URI1: variants seen among roughly 807,000 people sequenced by gnomAD.
The protein encoded by URI1 is unconventional prefoldin RPB5 interactor 1.
URI1 carries 39 observed loss-of-function variants against 60.2 expected under a neutral mutation model. The observed-to-expected ratio is 0.65, with a 90% CI of 0.50 to 0.85. The LOEUF is 0.85. Among genes scored for constraint, URI1 ranks in the 40% least tolerant of loss-of-function variants. The pLI, the probability that URI1 is intolerant of heterozygous loss-of-function variation, is 0.00. For missense variants in URI1, 691 were observed against 665.9 expected (o/e 1.04, Z -0.42); for synonymous variants, 251 against 236.8 (o/e 1.06, Z -0.55).
chr19:29,942,210 T>C (rs1220887491), upstream of URI1: 6 of 984,120 alleles, frequency 6.1e-6, no homozygotes, highest in South Asian at 4.7e-5. Context: ...CCTGCGCGCT[T>C]GCTTCCGGCG....
intron 1 of URI1, among the ~76,000 whole-genome samples, chr19:29,943,233 T>A (rs913205893): frequency 5.3e-5 from 8 of 152,262 alleles, no homozygotes; most frequent in Non-Finnish European, 7.4e-5. Flanking sequence ...GTGTTGGGAT[T>A]ATAGGCCTGA....
intron 1 of URI1, among the ~76,000 whole-genome samples, chr19:29,929,924 T>A (rs914867243): frequency 4.0e-5 from 6 of 151,424 alleles, no homozygotes; most frequent in African/African-American, 1.5e-4. Context: ...ATCTTTTCAC[T>A]CTCTTGACAG....
At chr19:29,988,572 AAC>A (rs2055703095) in intron 4 of URI1, among the ~76,000 whole-genome samples, 2 of 152,240 alleles carry the variant, frequency 1.3e-5, no homozygotes, top group Non-Finnish European at 2.9e-5. Flanking sequence ...CACTTGCTGT[AAC>A]GCCTCATCCA....
intron 1 of URI1, among the ~76,000 whole-genome samples, chr19:29,969,992 GTT>G (rs1188786838): frequency 6.6e-6 from 1 of 151,756 alleles, no homozygotes; most frequent in Non-Finnish European, 1.5e-5. Flanking sequence ...GTATGGTTGG[GTT>G]TCTGATTATA....
At chr19:30,014,119 G>C (rs934133993) in intron 10 of URI1, 1 of 150,354 alleles carries the variant, frequency 6.7e-6, no homozygotes, top group South Asian at 2.1e-4. Context: ...ACCTATTTTT[G>C]TATAAAACGA....
chr19:29,926,530 C>T (rs1048248538), intron 1 of URI1, among the ~76,000 whole-genome samples: 1 of 152,142 alleles, frequency 6.6e-6, no homozygotes, highest in Non-Finnish European at 1.5e-5. Context: ...GATCTTTCTG[C>T]ATCAGTCTTC....
At chr19:29,928,298 CCACCGCCCAGGT>C (rs1448617718) in intron 1 of URI1, among the ~76,000 whole-genome samples, 1 of 152,084 alleles carries the variant, frequency 6.6e-6, no homozygotes, top group Admixed American at 6.5e-5. Flanking sequence ...TAAAAACTTC[CCACCGCCCAGGT>C]CACGCCCAAG....
At chr19:29,991,690 C>T (rs2055748721) in intron 4 of URI1, among the ~76,000 whole-genome samples, 1 of 151,982 alleles carries the variant, frequency 6.6e-6, no homozygotes, top group African/African-American at 2.4e-5. Flanking sequence ...AACTGATCTT[C>T]TGGGGAAAAA....
intron 1 of URI1, among the ~76,000 whole-genome samples, chr19:29,943,771 C>G (rs113204756): frequency 6.6e-6 from 1 of 151,828 alleles, no homozygotes; most frequent in African/African-American, 2.4e-5. Context: ...GTTGGATTTT[C>G]ATTTCTCAGC....
chr19:29,956,390 G>A (rs1033361005), intron 1 of URI1: 2 of 1,403,698 alleles, frequency 1.4e-6, no homozygotes, highest in Admixed American at 3.7e-5. Flanking sequence ...TCTTCTTTCT[G>A]TAGCTGGATA....
chr19:29,935,533 C>G (rs1211935822), intron 1 of URI1, among the ~76,000 whole-genome samples: 2 of 151,928 alleles, frequency 1.3e-5, no homozygotes, highest in African/African-American at 2.4e-5. Context: ...CTTTGAATTA[C>G]TATCAAGTTT....
At chr19:29,944,146 T>TC (rs2055068656) in intron 1 of URI1, among the ~76,000 whole-genome samples, 8 of 28,166 alleles carry the variant, frequency 2.8e-4, no homozygotes, top group African/African-American at 5.1e-4. Flanking sequence ...CATTCATATA[T>TC]ATATATATAT....
At chr19:29,992,753 G>A (rs1378347709) in intron 4 of URI1, among the ~76,000 whole-genome samples, 1 of 152,186 alleles carries the variant, frequency 6.6e-6, no homozygotes, top group Admixed American at 6.5e-5. Context: ...ATGAGACTAA[G>A]TGAAAAGACC....
chr19:29,930,626 A>T (rs1319623182), intron 1 of URI1, among the ~76,000 whole-genome samples: 1 of 151,904 alleles, frequency 6.6e-6, no homozygotes, highest in Non-Finnish European at 1.5e-5. Context: ...AGTACGCGAG[A>T]GGGTTTATTT....
At chr19:29,981,921 T>TTAACCTCAG (rs1370068676) in intron 2 of URI1, among the ~76,000 whole-genome samples, 1 of 152,242 alleles carries the variant, frequency 6.6e-6, no homozygotes, top group East Asian at 1.9e-4. Context: ...GACCCCAGAC[T>TTAACCTCAG]TAACCTCAGT....
At chr19:29,944,140 C>CATATAT (rs56329506) in intron 1 of URI1, among the ~76,000 whole-genome samples, 469 of 36,924 alleles carry the variant, frequency 0.013, 37 homozygotes, top group Non-Finnish European at 0.024. Flanking sequence ...CCCTGTCATT[C>CATATAT]ATATATATAT....
chr19:29,923,747 A>C (rs1321547416), exon 1 of URI1: 6 of 1,536,608 alleles, frequency 3.9e-6, no homozygotes, highest in Admixed American at 2.0e-5. Context: ...GCTCTGGCAT[A>C]TGCATTGGTG....
Position 30,012,430 on chromosome 19 carries a change from A to C in URI1, c.1324A>C (p.Ser442Arg). The change falls in exon 10 of 11, where the codon AGC becomes CGC. Residue 442 changes from serine to arginine, a missense_variant. Coordinates refer to ENST00000392271, the MANE Select transcript of URI1 (RefSeq NM_003796.3). ...DDRRGVLRSISCEEATCSDTS... is the reference protein window; with the variant it reads ...DDRRGVLRSIRCEEATCSDTS... ...TAGGCGGGGAGTTTTGAGGAGTATC[A>C]GCTGCGAAGAAGCCACTTGCAGTGA... The C allele has an allele frequency of 6.2e-7, 1 of 1,614,226 alleles. No individual in the cohort carries two copies. Among genetic ancestry groups the C allele is most frequent in the Non-Finnish European group, 8.5e-7 (1 of 1,180,028 alleles).
chr19:29,928,184 G>A (rs569886432), intron 1 of URI1, among the ~76,000 whole-genome samples: 3 of 152,174 alleles, frequency 2.0e-5, no homozygotes, highest in East Asian at 3.9e-4. Context: ...AGAGCTGCCC[G>A]GCTGCCTGGC....
Sources: gnomAD v4.1 joint callset for allele counts (sites outside exome capture counted in the v4.1 genomes callset) on GRCh38, gnomAD v4.1.1 for gene constraint, MANE v1.5 for transcripts, NCBI Gene and HGNC (gene_info 2026-07-23, HGNC 2026-07-21) for gene names.